The following OPTN variants were observed in gnomAD, a reference collection of about 807,000 sequenced individuals.
The protein encoded by OPTN is optineurin, also known as E3-14.7K-interacting protein.
Under a neutral mutation model 70.4 loss-of-function variants are expected in OPTN, and 54 were observed. The observed-to-expected ratio is 0.77, with a 90% CI of 0.62 to 0.96. The LOEUF is 0.96. Among genes scored for constraint, OPTN ranks in the 40% least tolerant of loss-of-function variants. The probability of loss-of-function intolerance (pLI) is 0.00; values close to 1 mark genes in which losing one functional copy is unlikely to be tolerated. For missense variants in OPTN, 624 were observed against 673.2 expected (o/e 0.93, Z 0.81); for synonymous variants, 256 against 248.5 (o/e 1.03, Z -0.28).
intron 5 of OPTN, 80 bp from the exon 6 acceptor site, chr10:13,116,186 CT>C (rs1817497789): frequency 1.0e-6 from 1 of 986,940 alleles, no homozygotes. Context: ...AAAAATTCAT[CT>C]TTTGTCTTTT....
rs113306812 is a variant in OPTN, at chr10:13,126,241, G to T, written c.1242+202G>T. Among the ~76,000 whole-genome samples, 700 of 151,484 alleles carry T rather than the reference G, an allele frequency of 4.6e-3. 3 individuals are homozygous for T. The highest frequency in any genetic ancestry group is 0.016 in the African/African-American group (648 of 41,262). ...AATGTGCTTTATTGCGTACAAAGAT[G>T]ATGTGAATGTCCTATGGTCAGGGAT... On this transcript the variant is annotated intron_variant, in intron 11 of 14. Transcript: ENST00000378747.
chr10:13,126,555 C>G (rs965336986), intron 11 of OPTN, among the ~76,000 whole-genome samples: 1 of 150,964 alleles, frequency 6.6e-6, no homozygotes, highest in Non-Finnish European at 1.5e-5. Flanking sequence ...GCTGGGATTA[C>G]AGGCGTGAGC....
At chr10:13,128,349 A>T (rs1022551788) in intron 12 of OPTN, among the ~76,000 whole-genome samples, 10 of 151,928 alleles carry the variant, frequency 6.6e-5, no homozygotes, top group African/African-American at 2.4e-4. Context: ...CAACACTTCT[A>T]TTATCAGTCA....
intron 1 of OPTN, among the ~76,000 whole-genome samples, chr10:13,101,477 C>T (rs1588427667): frequency 6.7e-6 from 1 of 148,806 alleles, no homozygotes; most frequent in East Asian, 2.0e-4. Flanking sequence ...TGCCGAACCC[C>T]CGCCCTTACT....
At chr10:13,107,154 C>T (rs1472832044) in intron 1 of OPTN, among the ~76,000 whole-genome samples, 3 of 151,952 alleles carry the variant, frequency 2.0e-5, no homozygotes, top group Non-Finnish European at 2.9e-5. Context: ...GCCAGCAGAT[C>T]ACCTGAAGTC....
intron 1 of OPTN, among the ~76,000 whole-genome samples, chr10:13,102,735 G>A (rs999232332): frequency 6.6e-6 from 1 of 152,112 alleles, no homozygotes; most frequent in African/African-American, 2.4e-5. Context: ...TTGAGATCAG[G>A]AGTTCAAGAC....
At chr10:13,126,283 C>CCT (rs771767144) in intron 11 of OPTN, among the ~76,000 whole-genome samples, 22 of 139,066 alleles carry the variant, frequency 1.6e-4, no homozygotes, top group African/African-American at 4.9e-4. Flanking sequence ...CTTCGTATTT[C>CCT]TTTTTTTTTT....
chr10:13,103,148 G>A lies in OPTN; in HGVS notation c.-164+2846G>A, dbSNP rs976615949. On this transcript the variant is annotated intron_variant, in intron 1 of 14. Transcript: ENST00000378747. The stretch of plus-strand genomic sequence containing the variant: ...AATATCCCTTCTAGTGTGTAATGAC[G>A]AGGCTGCTTTTACCCCATTAGTAGG... Among the ~76,000 whole-genome samples the A allele has an allele frequency of 1.1e-4, 16 of 152,150 alleles. 1 individual carries two copies. Among genetic ancestry groups the A allele is most frequent in the East Asian group, 5.8e-4 (3 of 5,172 alleles).
rs1564354813 is a variant in OPTN at position 13,109,170 on chromosome 10, C to T, written c.48C>T (p.Pro16=). Residue 16 remains proline (P), a synonymous_variant, in exon 3 of 15, where the codon CCC becomes CCT. Transcript: ENST00000378747. The part of the protein sequence containing the change: ...LSCLTEKEDS[P]SESTGNGPPH... ...GCCTCACTGAAAAGGAGGACAGCCC[C>T]AGTGAAAGCACAGGAAATGGACCCC... is the stretch of plus-strand genomic sequence containing the variant. 8 of 1,614,064 alleles carry T rather than the reference C, an allele frequency of 5.0e-6. No homozygotes were observed. Among genetic ancestry groups the T allele is most frequent in the Non-Finnish European group, 5.9e-6 (7 of 1,180,014 alleles).
At chr10:13,110,886 A>C in intron 4 of OPTN, among the ~76,000 whole-genome samples, 1 of 152,202 alleles carries the variant, frequency 6.6e-6, no homozygotes, top group East Asian at 1.9e-4. Context: ...TCTCAGTCTA[A>C]AATGGAGATT....
chr10:13,124,586 A>C (rs758410930), intron 9 of OPTN, among the ~76,000 whole-genome samples: 4 of 152,242 alleles, frequency 2.6e-5, no homozygotes, highest in Non-Finnish European at 5.9e-5. Context: ...TGATGTAAGA[A>C]GTTACCCAAA....
At chr10:13,128,103 A>G (rs1833507300) in intron 12 of OPTN, among the ~76,000 whole-genome samples, 200 bp downstream of exon 12, 1 of 152,170 alleles carries the variant, frequency 6.6e-6, no homozygotes, top group African/African-American at 2.4e-5. Flanking sequence ...AGGTAATTGG[A>G]TTCTTTCCAG....
At chr10:13,116,228 A>T (rs760748282) in intron 5 of OPTN, 39 bp from the exon 6 acceptor site, 1 of 1,264,652 alleles carries the variant, frequency 7.9e-7, no homozygotes. Context: ...TGTCTTGTAG[A>T]CATATTGTGT....
At chr10:13,133,672 A>T (rs1833638754) in intron 14 of OPTN, 91 bp downstream of exon 14, 1 of 1,190,792 alleles carries the variant, frequency 8.4e-7, no homozygotes, top group Non-Finnish European at 1.2e-6. Flanking sequence ...TCTACAATGG[A>T]TTCCAAATCA....
chr10:13,132,212 G>C lies in OPTN; in HGVS notation c.1532+15G>C, dbSNP rs1054084063. 6.2e-6 allele frequency: 10 copies of C among 1,611,022 alleles called. No homozygotes were observed. Among genetic ancestry groups the C allele is most frequent in the Non-Finnish European group, 8.5e-6 (10 of 1,177,956 alleles). On this transcript the variant is annotated intron_variant, in intron 13 of 14. Transcript: ENST00000378747. ...GACGGAGGCAGGTAAGGAAAAGAGA[G>C]AGGAGGACCCAGAGCTCACATCAGC...
At chr10:13,105,887 C>T (rs1017105369) in intron 1 of OPTN, among the ~76,000 whole-genome samples, 6 of 149,020 alleles carry the variant, frequency 4.0e-5, no homozygotes, top group East Asian at 2.0e-4. Flanking sequence ...CCAGCCTGGG[C>T]GACAAAGTGA....
chr10:13,112,432 T>G, intron 4 of OPTN, 21 bp from the exon 5 acceptor site: 3 of 1,613,150 alleles, frequency 1.9e-6, no homozygotes, highest in Non-Finnish European at 2.5e-6. Context: ...GTTCATTCAC[T>G]TTACTCCTTG....
At chr10:13,109,048 G>T in intron 2 of OPTN, 64 bp from the exon 3 acceptor site, 2 of 1,465,014 alleles carry the variant, frequency 1.4e-6, no homozygotes, top group South Asian at 1.1e-5. Context: ...GGGTTTGTGG[G>T]ACTCCCGGGG....
In OPTN at chr10:13,136,850, T is replaced by A. The variant is rs1564370960; in HGVS notation, c.1718T>A (p.Met573Lys). ...ATAGACACGTTACAGATTCACGTGA[T>A]GGATTGCATCATTTAAGTGTTGATG... ...PDIDTLQIHV[M>K]DCII The change falls in exon 15 of 15, where the codon ATG becomes AAG. Residue 573 changes from methionine to lysine, a missense_variant. Transcript: ENST00000378747. The A allele has an allele frequency of 6.2e-7, 1 of 1,614,252 alleles. No homozygotes were observed. Among genetic ancestry groups the A allele is most frequent in the South Asian group, 1.1e-5 (1 of 91,084 alleles).
Sources: gnomAD v4.1 joint callset for allele counts (sites outside exome capture counted in the v4.1 genomes callset) on GRCh38, gnomAD v4.1.1 for gene constraint, MANE v1.5 for transcripts, NCBI Gene and HGNC (gene_info 2026-07-23, HGNC 2026-07-21) for gene names.